The following PPM1B variants were observed in gnomAD, a reference collection of about 807,000 sequenced individuals.
PPM1B encodes the protein protein phosphatase 1B.
A neutral mutation model predicts 43.0 loss-of-function variants in PPM1B; 22 were observed. The ratio of observed to expected loss-of-function variants is 0.51; its 90% CI spans 0.37 to 0.73. The LOEUF (loss-of-function observed/expected upper bound fraction) is 0.73, where lower values mean the gene tolerates loss of function less well. PPM1B is among the 30% of genes least tolerant of loss of function. The pLI, the probability that PPM1B is intolerant of heterozygous loss-of-function variation, is 0.00. For synonymous variants in PPM1B, 217 were observed against 197.9 expected, an observed-to-expected ratio of 1.10 and a Z score of -0.81; for missense variants, 632 against 584.2, an observed-to-expected ratio of 1.08 and a Z score of -0.84.
chr2:44,178,474 A>ATATAT lies in PPM1B; in HGVS notation c.-15+9201_-15+9202insATATT, dbSNP rs1445760590. ...TATGTATATATATATATATATATAT[A>ATATAT]TTTTTTTTTTTAGACAGAGTTTCGC... is the stretch of plus-strand genomic sequence containing the variant. On this transcript the variant is annotated intron_variant, in intron 1 of 5. Transcript: ENST00000282412. Among the ~76,000 whole-genome samples the ATATAT allele has an allele frequency of 4.0e-3, 536 of 135,298 alleles. 3 individuals are homozygous for ATATAT. Among genetic ancestry groups the ATATAT allele is most frequent in the African/African-American group, 0.014 (495 of 36,032 alleles). 88.8% of individuals were successfully genotyped at this position (135,298 alleles called of 152,430 possible). A position where few individuals can be genotyped will look rare whatever the true frequency, so the allele number is the denominator to read the frequency against.
downstream of PPM1B, chr2:44,232,719 C>G: frequency 4.9e-6 from 5 of 1,010,686 alleles, no homozygotes; most frequent in Non-Finnish European, 5.9e-6. Context: ...ACAAAACACA[C>G]AACATGTAAG....
At chr2:44,199,873 G>A (rs1268248399) in intron 1 of PPM1B, among the ~76,000 whole-genome samples, 1 of 152,028 alleles carries the variant, frequency 6.6e-6, no homozygotes, top group Non-Finnish European at 1.5e-5. Flanking sequence ...TATATATCGA[G>A]TGGTTCATCA....
chr2:44,236,175 C>A (rs557639712), downstream of PPM1B, among the ~76,000 whole-genome samples: 44 of 152,000 alleles, frequency 2.9e-4, no homozygotes, highest in South Asian at 6.2e-4. Flanking sequence ...GCGGGCAGAT[C>A]ACTTGAGGTC....
chr2:44,235,959 A>C (rs2104288062), downstream of PPM1B, among the ~76,000 whole-genome samples: 1 of 152,264 alleles, frequency 6.6e-6, no homozygotes, highest in Non-Finnish European at 1.5e-5. Flanking sequence ...AACATTGTGA[A>C]GGAATAAACA....
At chr2:44,192,527 T>A (rs1457282567) in intron 1 of PPM1B, among the ~76,000 whole-genome samples, 1 of 152,232 alleles carries the variant, frequency 6.6e-6, no homozygotes, top group Non-Finnish European at 1.5e-5. Context: ...GTCATTTTTA[T>A]TTTTAAAATG....
chr2:44,192,190 GGTATTGTATTGTATTGTATTGTATT>G (rs147906873), intron 1 of PPM1B, among the ~76,000 whole-genome samples: 1 of 143,642 alleles, frequency 7.0e-6, no homozygotes, highest in African/African-American at 2.6e-5. Context: ...GTTATGTTAT[GGTATTGTATTGTATTGTATTGTATT>G]GTATTGTATT....
chr2:44,231,889 A>G (rs1670479461), downstream of PPM1B, among the ~76,000 whole-genome samples: 1 of 152,210 alleles, frequency 6.6e-6, no homozygotes, highest in African/African-American at 2.4e-5. Context: ...GATTTGTCAC[A>G]TAGGGAAAAA....
At chr2:44,204,939 T>A (rs911834401) in intron 2 of PPM1B, among the ~76,000 whole-genome samples, 1 of 151,860 alleles carries the variant, frequency 6.6e-6, no homozygotes, top group African/African-American at 2.4e-5. Context: ...GTTGTATGAC[T>A]GTGGTCAGGT....
intron 2 of PPM1B, among the ~76,000 whole-genome samples, chr2:44,204,348 G>A (rs962284429): frequency 6.6e-6 from 1 of 152,130 alleles, no homozygotes; most frequent in Non-Finnish European, 1.5e-5. Flanking sequence ...AGCACTTAGC[G>A]ATTGCACAGT....
At chr2:44,191,503 C>G (rs779820187) in intron 1 of PPM1B, among the ~76,000 whole-genome samples, 1 of 152,166 alleles carries the variant, frequency 6.6e-6, no homozygotes, top group Non-Finnish European at 1.5e-5. Context: ...CGTGAGCCAC[C>G]GCTCCCAGCT....
At chr2:44,236,594 T>C (rs1464190656), downstream of PPM1B, among the ~76,000 whole-genome samples, 1 of 152,046 alleles carries the variant, frequency 6.6e-6, no homozygotes, top group Non-Finnish European at 1.5e-5. Context: ...AGCCAGGAAT[T>C]GACAGCCTCA....
chr2:44,184,025 A>G (rs1461036613), intron 1 of PPM1B, among the ~76,000 whole-genome samples: 1 of 152,260 alleles, frequency 6.6e-6, no homozygotes, highest in Non-Finnish European at 1.5e-5. Context: ...GGCGTGAGCC[A>G]CTGTGCCTGG....
chr2:44,190,862 C>T (rs1054557676), intron 1 of PPM1B, among the ~76,000 whole-genome samples: 1 of 152,032 alleles, frequency 6.6e-6, no homozygotes. Context: ...ATAAATTGTA[C>T]AATTATTGTG....
chr2:44,213,571 A>C (rs888984716), intron 3 of PPM1B: 2 of 152,168 alleles, frequency 1.3e-5, no homozygotes, highest in Admixed American at 1.3e-4. Flanking sequence ...GTCTTTTGCA[A>C]ATTTGGAGAA....
At chr2:44,220,878 G>A (rs983257067) in intron 5 of PPM1B, among the ~76,000 whole-genome samples, 8 of 152,230 alleles carry the variant, frequency 5.3e-5, no homozygotes, top group African/African-American at 1.9e-4. Context: ...GACCTTTCAA[G>A]TGGACTAGAG....
chr2:44,237,287 G>A (rs1670646350), downstream of PPM1B, among the ~76,000 whole-genome samples: 1 of 152,168 alleles, frequency 6.6e-6, no homozygotes, highest in African/African-American at 2.4e-5. Context: ...GATGATTCGT[G>A]TATGTTACAT....
chr2:44,197,769 T>C (rs1668731720), intron 1 of PPM1B, among the ~76,000 whole-genome samples: 1 of 152,190 alleles, frequency 6.6e-6, no homozygotes, highest in Non-Finnish European at 1.5e-5. Flanking sequence ...CCCAGTTTTC[T>C]CAAGGTAAAA....
intron 5 of PPM1B, among the ~76,000 whole-genome samples, chr2:44,224,290 C>T (rs1380165829): frequency 6.6e-6 from 1 of 151,864 alleles, no homozygotes; most frequent in Non-Finnish European, 1.5e-5. Context: ...CCTGCCTCTA[C>T]TAAAAATACA....
Position 44,201,853 on chromosome 2 carries a change from A to G in PPM1B, c.654A>G (p.Gln218=), listed in dbSNP as rs755986113. ...KCVDGKGPTE[Q]LVSPEPEVYE... is the part of the protein sequence containing the mutation. ...TTGATGGCAAGGGCCCAACAGAACA[A>G]CTTGTTTCTCCAGAGCCTGAGGTTT... is the stretch of plus-strand genomic sequence containing the variant. The change falls in exon 2 of 6, where the codon CAA becomes CAG. Residue 218 remains glutamine, a synonymous_variant. Transcript: ENST00000282412. The surrounding 1 kb of genome is among the most constrained non-coding windows in gnomAD (Gnocchi z 5.4). The G allele has an allele frequency of 6.2e-6, 10 of 1,614,088 alleles. No individual in the cohort carries two copies. Among genetic ancestry groups the G allele is most frequent in the South Asian group, 2.2e-5 (2 of 91,084 alleles).
Sources: allele counts gnomAD v4.1 joint callset (sites outside exome capture counted in the v4.1 genomes callset), GRCh38; gene constraint gnomAD v4.1.1; non-coding constraint Gnocchi (gnomAD v3.1); transcripts MANE v1.5; gene names NCBI Gene and HGNC (gene_info 2026-07-23, HGNC 2026-07-21).